CCSER1: variants seen among roughly 807,000 people sequenced by gnomAD.
CCSER1 encodes the protein coiled-coil serine rich protein 1.
In CCSER1, 41 loss-of-function variants were observed where a neutral mutation model predicts 82.0. The ratio of observed to expected loss-of-function variants is 0.50; its 90% confidence interval spans 0.39 to 0.65. CCSER1 has a LOEUF of 0.65. Among genes scored for constraint, CCSER1 ranks in the 30% least tolerant of loss-of-function variants. The pLI is 0.00. For synonymous variants in CCSER1, 414 were observed against 383.9 expected (o/e 1.08, Z -0.92); for missense variants, 1,119 against 1,064.2 (o/e 1.05, Z -0.72).
intron 7 of CCSER1, among the ~76,000 whole-genome samples, chr4:90,750,340 G>A (rs549394117): frequency 6.6e-6 from 1 of 152,212 alleles, no homozygotes; most frequent in Non-Finnish European, 1.5e-5. Context: ...CTCCTAGTCT[G>A]CTAGGGACGG....
At chr4:91,497,349 T>G (rs1486160263) in intron 10 of CCSER1, among the ~76,000 whole-genome samples, 1 of 151,712 alleles carries the variant, frequency 6.6e-6, no homozygotes, top group Non-Finnish European at 1.5e-5. Flanking sequence ...TGGTTTACAT[T>G]TCTAAAAAAA....
chr4:90,457,951 G>T (rs1762397230), intron 4 of CCSER1, among the ~76,000 whole-genome samples: 1 of 152,102 alleles, frequency 6.6e-6, no homozygotes, highest in Admixed American at 6.5e-5. Context: ...ATGTCCAGAG[G>T]GGCTCGAGAC....
At chr4:90,595,098 T>C (rs1422614691) in intron 5 of CCSER1, among the ~76,000 whole-genome samples, 1 of 152,048 alleles carries the variant, frequency 6.6e-6, no homozygotes, top group Non-Finnish European at 1.5e-5. Flanking sequence ...ACATTAAACA[T>C]CTATTTTACT....
chr4:90,688,220 C>T (rs1431023098), intron 6 of CCSER1, among the ~76,000 whole-genome samples: 1 of 152,054 alleles, frequency 6.6e-6, no homozygotes, highest in African/African-American at 2.4e-5. Context: ...AGAATTTTTG[C>T]ATCTGCTGTC....
chr4:90,985,904 T>C (rs1394325647), intron 9 of CCSER1, among the ~76,000 whole-genome samples: 1 of 151,804 alleles, frequency 6.6e-6, no homozygotes, highest in Non-Finnish European at 1.5e-5. Flanking sequence ...AGTTAACTAA[T>C]ACATTCAGTG....
chr4:90,781,223 A>G, intron 7 of CCSER1: 1 of 980,062 alleles, frequency 1.0e-6, no homozygotes, highest in African/African-American at 1.7e-5. Flanking sequence ...ACAAATTTCC[A>G]AACTATATCA....
chr4:90,997,970 G>A (rs888185721), intron 9 of CCSER1, among the ~76,000 whole-genome samples: 2 of 152,276 alleles, frequency 1.3e-5, no homozygotes, highest in Non-Finnish European at 1.5e-5. Flanking sequence ...GTATCCAGCT[G>A]AAAATAATAA....
intron 9 of CCSER1, among the ~76,000 whole-genome samples, chr4:91,027,848 G>A (rs10516885): frequency 0.46 from 69,750 of 151,774 alleles, 16,264 homozygotes; most frequent in East Asian, 0.67. Context: ...CCACATACAA[G>A]CCAAATTGTG....
intron 1 of CCSER1, among the ~76,000 whole-genome samples, chr4:90,177,725 G>A (rs77280728): frequency 0.024 from 3,669 of 152,146 alleles, 142 homozygotes; most frequent in African/African-American, 0.082. Flanking sequence ...CACAAGACTA[G>A]CTCTTTCATA....
intron 5 of CCSER1, among the ~76,000 whole-genome samples, chr4:90,488,675 T>C (rs1767509584): frequency 6.6e-6 from 1 of 152,154 alleles, no homozygotes; most frequent in Non-Finnish European, 1.5e-5. Context: ...TAGCCTTACA[T>C]TTTACAAAAC....
At chr4:91,141,281 G>T (rs1729002585) in intron 10 of CCSER1, among the ~76,000 whole-genome samples, 2 of 151,864 alleles carry the variant, frequency 1.3e-5, no homozygotes, top group African/African-American at 4.8e-5. Flanking sequence ...AGCCTCCTGA[G>T]TAGTTGGAAT....
In CCSER1 at chr4:90,718,791, A is replaced by G. The variant is rs1041561649; in HGVS notation, c.1933-5123A>G. On this transcript the variant is annotated intron_variant, in intron 6 of 10. Transcript: ENST00000509176. The stretch of plus-strand genomic sequence containing the variant: ...GAAGAATTTTTAAAATAAACTTTTA[A>G]TTGGGGAATAGTTTTATATTTACAG... Among the ~76,000 whole-genome samples, 3 of 152,246 alleles carry G rather than the reference A, an allele frequency of 2.0e-5. No individual in the cohort carries two copies. The South Asian group carries it at 6.2e-4, about 32-fold the overall frequency.
chr4:90,772,966 C>T (rs1752407035), intron 7 of CCSER1, among the ~76,000 whole-genome samples: 1 of 152,094 alleles, frequency 6.6e-6, no homozygotes, highest in African/African-American at 2.4e-5. Flanking sequence ...AGAGGCCAGG[C>T]ATGTTGGCTT....
At chr4:91,378,883 G>A (rs995960237) in intron 10 of CCSER1, among the ~76,000 whole-genome samples, 11 of 152,102 alleles carry the variant, frequency 7.2e-5, no homozygotes, top group African/African-American at 2.7e-4. Flanking sequence ...TATTGGCTGT[G>A]GGTTTGCCAT....
At chr4:90,303,622 C>A (rs1461838962) in intron 1 of CCSER1, among the ~76,000 whole-genome samples, 3 of 151,662 alleles carry the variant, frequency 2.0e-5, no homozygotes, top group Non-Finnish European at 4.4e-5. Context: ...AACTGGATCC[C>A]TTCCTTACAC....
intron 8 of CCSER1, among the ~76,000 whole-genome samples, chr4:90,823,395 A>G (rs1352223560): frequency 6.6e-6 from 1 of 152,046 alleles, no homozygotes; most frequent in Non-Finnish European, 1.5e-5. Context: ...ACACATTTTT[A>G]TTTTGAGAGT....
chr4:90,424,829 A>G (rs924150775), intron 4 of CCSER1, among the ~76,000 whole-genome samples: 5 of 152,150 alleles, frequency 3.3e-5, no homozygotes, highest in Admixed American at 2.6e-4. Flanking sequence ...GATTAACTTT[A>G]TTCTTCCTGC....
chr4:91,166,116 A>G (rs979454925), intron 10 of CCSER1, among the ~76,000 whole-genome samples: 3 of 152,254 alleles, frequency 2.0e-5, no homozygotes, highest in Admixed American at 1.3e-4. Flanking sequence ...TTACAGTTTT[A>G]TGAGTTACAT....
At chr4:91,042,586 C>T (rs941465426) in intron 9 of CCSER1, among the ~76,000 whole-genome samples, 12 of 152,124 alleles carry the variant, frequency 7.9e-5, no homozygotes, top group African/African-American at 2.7e-4. Flanking sequence ...CACTAATATT[C>T]AGTACATAAT....
Sources: allele counts gnomAD v4.1 joint callset (sites outside exome capture counted in the v4.1 genomes callset), GRCh38; gene constraint gnomAD v4.1.1; transcripts MANE v1.5; gene names NCBI Gene and HGNC (gene_info 2026-07-23, HGNC 2026-07-21).